The following SGK1 variants were observed in gnomAD, a reference collection of about 807,000 sequenced individuals.
SGK1 encodes the protein serine/threonine-protein kinase Sgk1.
A neutral mutation model predicts 64.2 loss-of-function variants in SGK1; 26 were observed. The ratio of observed to expected loss-of-function variants is 0.40; its 90% CI spans 0.30 to 0.56. SGK1 has a LOEUF of 0.56. Among genes scored for constraint, SGK1 ranks in the 20% least tolerant of loss-of-function variants. The probability of loss-of-function intolerance (pLI) is 0.38; values close to 1 mark genes in which losing one functional copy is unlikely to be tolerated. For synonymous variants in SGK1, 265 were observed against 239.7 expected (o/e 1.11, Z -0.98); for missense variants, 519 against 645.6 (o/e 0.80, Z 2.12).
chr6:134,297,173 G>A (rs1385471242), intron 1 of SGK1: 36 of 684,892 alleles, frequency 5.3e-5, no homozygotes, highest in Non-Finnish European at 7.1e-5. Flanking sequence ...CTGCATAGCC[G>A]CTGGTGGTCT....
In SGK1 at chr6:134,262,049, C is replaced by A; in HGVS notation, c.169G>T (p.Glu57Ter). Residue 57 changes from glutamate to a stop codon, truncating the protein, a stop_gained, in exon 2 of 14, where the codon GAG becomes TAG. Transcript: ENST00000367858. LOFTEE classifies it high-confidence loss of function. The stretch of plus-strand genomic sequence containing the variant: ...CACAAGGAAGACTCGAAGTCTGGCT[C>A]CCCTGGAGGGATGTGCACCATGGAG... The part of the protein sequence containing the change: ...GSSMVHIPPG[E>*]PDFESSLCQT... 6.2e-7 allele frequency: 1 copy of A among 1,613,904 alleles called. No homozygotes were observed. Among genetic ancestry groups the A allele is most frequent in the Non-Finnish European group, 8.5e-7 (1 of 1,179,810 alleles).
At chr6:134,315,846 C>A (rs1449305118) in intron 1 of SGK1, among the ~76,000 whole-genome samples, 1 of 151,896 alleles carries the variant, frequency 6.6e-6, no homozygotes, top group African/African-American at 2.4e-5. Flanking sequence ...TCAAGACCAC[C>A]CTGGGCAATA....
chr6:134,266,820 G>GTTA (rs1776861680), intron 1 of SGK1, among the ~76,000 whole-genome samples: 8 of 152,130 alleles, frequency 5.3e-5, no homozygotes, highest in African/African-American at 1.9e-4. Context: ...AGTACTAAAT[G>GTTA]TGTTTTTGAT....
intron 2 of SGK1, among the ~76,000 whole-genome samples, chr6:134,232,413 GAGAAAGAA>G (rs775588688): frequency 0.018 from 860 of 47,676 alleles, 26 homozygotes; most frequent in African/African-American, 0.041. Context: ...AAGAAAGAAA[GAGAAAGAA>G]AGAAAGAAAG....
intron 2 of SGK1, among the ~76,000 whole-genome samples, chr6:134,235,395 G>C (rs1018540033): frequency 4.6e-5 from 7 of 152,004 alleles, no homozygotes; most frequent in Non-Finnish European, 7.4e-5. Context: ...TAAAGAAAGC[G>C]GGGGGAGGAA....
chr6:134,176,188 C>T (rs1775228454), intron 3 of SGK1, among the ~76,000 whole-genome samples: 1 of 152,204 alleles, frequency 6.6e-6, no homozygotes, highest in South Asian at 2.1e-4. Context: ...GCCTGCTCCT[C>T]TCCCGCTGTC....
At chr6:134,234,296 A>C (rs758423025) in intron 2 of SGK1, among the ~76,000 whole-genome samples, 15 of 152,086 alleles carry the variant, frequency 9.9e-5, no homozygotes, top group Admixed American at 2.0e-4. Flanking sequence ...CCAACTACTC[A>C]GGAGGCTGAG....
chr6:134,179,007 G>A (rs1775291712), intron 3 of SGK1, among the ~76,000 whole-genome samples: 1 of 151,560 alleles, frequency 6.6e-6, no homozygotes, highest in Non-Finnish European at 1.5e-5. Flanking sequence ...TTCTTTATTT[G>A]TCACTCTATA....
intron 2 of SGK1, among the ~76,000 whole-genome samples, chr6:134,226,356 GTT>G (rs142221226): frequency 6.6e-6 from 1 of 150,632 alleles, no homozygotes; most frequent in Non-Finnish European, 1.5e-5. Flanking sequence ...CCAAAAAGGT[GTT>G]TTTTTTTCTT....
chr6:134,254,937 C>T (rs1003393182), intron 2 of SGK1, among the ~76,000 whole-genome samples: 1 of 152,032 alleles, frequency 6.6e-6, no homozygotes, highest in African/African-American at 2.4e-5. Context: ...GGCGCCATCT[C>T]GGCTCACTGC....
At chr6:134,199,871 TTA>T (rs1167786505) in intron 3 of SGK1, among the ~76,000 whole-genome samples, 3 of 152,196 alleles carry the variant, frequency 2.0e-5, no homozygotes, top group Non-Finnish European at 2.9e-5. Context: ...CATCAAAGAA[TTA>T]TGTTTCTTAC....
At chr6:134,316,743 C>CAAAAA (rs141130901) in intron 1 of SGK1, among the ~76,000 whole-genome samples, 4 of 39,330 alleles carry the variant, frequency 1.0e-4, no homozygotes, top group Non-Finnish European at 1.3e-4. Flanking sequence ...TGCTCTCTCC[C>CAAAAA]AAAAAAAAAA....
At chr6:134,288,599 T>G (rs1422674586) in intron 1 of SGK1, among the ~76,000 whole-genome samples, 1 of 152,120 alleles carries the variant, frequency 6.6e-6, no homozygotes, top group Non-Finnish European at 1.5e-5. Flanking sequence ...CATGTGAAGG[T>G]AGTCATGAGG....
chr6:134,218,194 G>C (rs1055069393), intron 2 of SGK1, among the ~76,000 whole-genome samples: 3 of 152,128 alleles, frequency 2.0e-5, no homozygotes, highest in Admixed American at 1.3e-4. Flanking sequence ...TTGTGTTAGG[G>C]ACCAATTAAG....
At chr6:134,175,233 A>C (rs955024979) in intron 3 of SGK1, among the ~76,000 whole-genome samples, 3 of 152,142 alleles carry the variant, frequency 2.0e-5, no homozygotes, top group Non-Finnish European at 2.9e-5. Context: ...GCAGCGCCGA[A>C]GCGCTTCCCG....
intron 1 of SGK1, among the ~76,000 whole-genome samples, chr6:134,275,554 A>G (rs531367358): frequency 2.4e-4 from 36 of 152,344 alleles, no homozygotes; most frequent in African/African-American, 8.4e-4. Context: ...TCCTTTTTAC[A>G]TGAAATGCAC....
At chr6:134,232,706 C>T (rs1776308836) in intron 2 of SGK1, among the ~76,000 whole-genome samples, 1 of 151,942 alleles carries the variant, frequency 6.6e-6, no homozygotes, top group Non-Finnish European at 1.5e-5. Context: ...CAAAAATTAG[C>T]TGGGTGTGGT....
intron 1 of SGK1, among the ~76,000 whole-genome samples, chr6:134,292,917 A>C (rs1323824773): frequency 6.6e-6 from 1 of 152,212 alleles, no homozygotes; most frequent in Non-Finnish European, 1.5e-5. Context: ...TGACAGAATA[A>C]AAAAAGACAA....
intron 2 of SGK1, among the ~76,000 whole-genome samples, chr6:134,213,244 G>A (rs114983898): frequency 0.066 from 10,065 of 152,082 alleles, 398 homozygotes; most frequent in Non-Finnish European, 0.09. Context: ...AGTCTTGGCC[G>A]GGTATGGGGG....
Sources: allele counts gnomAD v4.1 joint callset (sites outside exome capture counted in the v4.1 genomes callset), GRCh38; gene constraint gnomAD v4.1.1; transcripts MANE v1.5; gene names NCBI Gene and HGNC (gene_info 2026-07-23, HGNC 2026-07-21).